PRH1: variants seen among roughly 807,000 people sequenced by gnomAD.
PRH1 encodes proline rich protein HaeIII subfamily 1, also known as salivary acidic proline-rich phosphoprotein 1/2.
In PRH1, 7 loss-of-function variants were observed where a neutral mutation model predicts 7.9. The observed-to-expected ratio is 0.89, with a 90% CI of 0.50 to 1.67. The LOEUF (loss-of-function observed/expected upper bound fraction) is 1.67, where lower values mean the gene tolerates loss of function less well. Ranked by LOEUF, PRH1 falls within the 40% of genes most tolerant of loss-of-function variation. The pLI is 0.00. For missense variants in PRH1, 109 were observed against 223.6 expected (o/e 0.49, Z 3.27); for synonymous variants, 45 against 80.8 (o/e 0.56, Z 2.38).
At chr12:11,025,174 C>A (rs9651851) in intron 1 of PRH1, among the ~76,000 whole-genome samples, 7,265 of 151,956 alleles carry the variant, frequency 0.048, 589 homozygotes, top group African/African-American at 0.16. Flanking sequence ...CCCGCCACCA[C>A]GCCAGGCTAA....
chr12:11,162,190 G>A (rs1947437877), intron 1 of PRH1, among the ~76,000 whole-genome samples: 2 of 152,112 alleles, frequency 1.3e-5, no homozygotes, highest in Admixed American at 6.5e-5. Flanking sequence ...GATGGATAAG[G>A]GAGTTTCTCC....
chr12:10,922,695 G>A (rs1950062951), intron 2 of PRH1, among the ~76,000 whole-genome samples: 3 of 151,720 alleles, frequency 2.0e-5, no homozygotes, highest in South Asian at 2.1e-4. Context: ...TTTATTAAGT[G>A]TGTCTTACAT....
chr12:11,105,341 T>C (rs1042540051), intron 1 of PRH1, among the ~76,000 whole-genome samples: 8 of 152,122 alleles, frequency 5.3e-5, no homozygotes, highest in Non-Finnish European at 7.4e-5. Context: ...CTGATATCAC[T>C]GGTCAAGATT....
chr12:11,011,497 C>T (rs1199320013), intron 1 of PRH1, among the ~76,000 whole-genome samples: 1 of 152,018 alleles, frequency 6.6e-6, no homozygotes, highest in Non-Finnish European at 1.5e-5. Flanking sequence ...CAAATACAGA[C>T]ATATTTTCCT....
intron 1 of PRH1, among the ~76,000 whole-genome samples, chr12:11,059,222 A>G (rs1411814088): frequency 6.6e-6 from 1 of 151,784 alleles, no homozygotes; most frequent in Non-Finnish European, 1.5e-5. Context: ...GCCCTTCTGG[A>G]AAAGTGCTGG....
intron 2 of PRH1, chr12:10,909,177 A>C (rs373477868): frequency 6.2e-7 from 1 of 1,614,028 alleles, no homozygotes; most frequent in Non-Finnish European, 8.5e-7. Context: ...GACTGAGGAC[A>C]GCTCTCTTTT....
intron 2 of PRH1, chr12:10,896,768 A>AAAAG (rs1461609474): frequency 6.6e-6 from 1 of 152,006 alleles, no homozygotes; most frequent in African/African-American, 2.4e-5. Flanking sequence ...CTCAAAAAAA[A>AAAAG]AAAAAAAAGA....
intron 1 of PRH1, among the ~76,000 whole-genome samples, chr12:11,166,812 A>T (rs1363224772): frequency 1.3e-5 from 2 of 152,234 alleles, no homozygotes; most frequent in African/African-American, 2.4e-5. Flanking sequence ...TTACTAAGCT[A>T]AAATCAAGGT....
In PRH1 at chr12:10,951,805, C is replaced by A. The variant is rs140155360; in HGVS notation, c.-59+21850G>T. 1.9e-3 allele frequency among the ~76,000 whole-genome samples: 283 copies of A among 152,070 alleles called. 2 individuals are homozygous for A. Among genetic ancestry groups the A allele is most frequent in the African/African-American group, 6.4e-3 (266 of 41,474 alleles). On this transcript the variant is annotated intron_variant, in intron 2 of 3. Coordinates refer to the PRH1 transcript ENST00000539853. ...TGTATATGAATATTTGGATATTTTT[C>A]TTTCATTTTAACTTATTTTTATTAT...
intron 2 of PRH1, among the ~76,000 whole-genome samples, chr12:10,947,922 A>C (rs1950512411): frequency 6.6e-6 from 1 of 152,136 alleles, no homozygotes; most frequent in Non-Finnish European, 1.5e-5. Flanking sequence ...TCTTGGCTGA[A>C]GATTTTTTTC....
chr12:11,004,658 T>C (rs1940746962), intron 1 of PRH1, among the ~76,000 whole-genome samples: 1 of 152,086 alleles, frequency 6.6e-6, no homozygotes, highest in Non-Finnish European at 1.5e-5. Flanking sequence ...TTCATACATT[T>C]ATTTGTTCAT....
chr12:10,969,157 G>A (rs1391455650), intron 2 of PRH1, among the ~76,000 whole-genome samples: 1 of 152,216 alleles, frequency 6.6e-6, no homozygotes, highest in Non-Finnish European at 1.5e-5. Flanking sequence ...ATCTTCCCCT[G>A]AAGTCCGGCT....
At chr12:11,109,556 C>T (rs1592031079) in intron 1 of PRH1, among the ~76,000 whole-genome samples, 1 of 152,154 alleles carries the variant, frequency 6.6e-6, no homozygotes, top group Admixed American at 6.5e-5. Context: ...CAGCAAACTA[C>T]AGCAGACTTG....
chr12:11,157,724 C>T (rs145876636), intron 1 of PRH1, among the ~76,000 whole-genome samples: 1 of 152,232 alleles, frequency 6.6e-6, no homozygotes, highest in African/African-American at 2.4e-5. Flanking sequence ...AACTTACCCA[C>T]AATAATAATC....
At chr12:10,962,954 C>G (rs955547629) in intron 2 of PRH1, among the ~76,000 whole-genome samples, 2 of 152,112 alleles carry the variant, frequency 1.3e-5, no homozygotes, top group African/African-American at 4.8e-5. Context: ...GTATTTTTAG[C>G]AGAGACCGGG....
chr12:10,961,488 C>G (rs1591732118), intron 2 of PRH1, among the ~76,000 whole-genome samples: 1 of 150,944 alleles, frequency 6.6e-6, no homozygotes. Flanking sequence ...CCCATAAAGC[C>G]AGCCATGATT....
intron 1 of PRH1, among the ~76,000 whole-genome samples, chr12:11,070,352 C>A (rs1944008625): frequency 6.6e-6 from 1 of 151,474 alleles, no homozygotes; most frequent in Admixed American, 6.6e-5. Flanking sequence ...ACTGCGCATG[C>A]TCACCTCCAA....
At chr12:10,994,033 A>C (rs1042174759) in intron 1 of PRH1, among the ~76,000 whole-genome samples, 3 of 152,228 alleles carry the variant, frequency 2.0e-5, no homozygotes, top group Admixed American at 6.5e-5. Context: ...GACCCTGTGC[A>C]ACAGTGGAAA....
intron 1 of PRH1, among the ~76,000 whole-genome samples, chr12:11,073,781 C>T (rs1187704980): frequency 6.6e-6 from 1 of 152,152 alleles, no homozygotes; most frequent in African/African-American, 2.4e-5. Context: ...AGGCATGCAT[C>T]GTGGGCATTA....
Sources: allele counts gnomAD v4.1 joint callset (sites outside exome capture counted in the v4.1 genomes callset), GRCh38; gene constraint gnomAD v4.1.1; transcripts MANE v1.5; gene names NCBI Gene and HGNC (gene_info 2026-07-23, HGNC 2026-07-21).